Variants in HMCN2 observed in about 807,000 individuals in gnomAD.
The protein encoded by HMCN2 is hemicentin-2.
HMCN2 carries 325 observed loss-of-function variants against 377.5 expected under a neutral mutation model. That is an observed-to-expected ratio of 0.86 (90% confidence interval 0.79 to 0.94). The LOEUF (loss-of-function observed/expected upper bound fraction) is 0.94, where lower values mean the gene tolerates loss of function less well. Among genes scored for constraint, HMCN2 ranks in the 40% least tolerant of loss-of-function variants. HMCN2 has a pLI of 0.00. For synonymous variants in HMCN2, 2,007 were observed against 2,046.8 expected (o/e 0.98, Z 0.53); for missense variants, 4,543 against 4,725.3 (o/e 0.96, Z 1.13).
At position 130,393,729 on chromosome 9, in the gene HMCN2, C is replaced by G. The variant is rs1842450491; in HGVS notation, c.10235-13C>G. The stretch of plus-strand genomic sequence containing the variant: ...AATAAAATGGTTCCTGCCCACCTTT[C>G]TGCCCTCCATAGTGCCCCCTGTCCT... On this transcript the variant is annotated splice_polypyrimidine_tract_variant and intron_variant, in intron 67 of 97. Coordinates refer to ENST00000683500, the MANE Select transcript of HMCN2 (RefSeq NM_001291815.2). The surrounding 1 kb of genome is among the most constrained non-coding windows in gnomAD (Gnocchi z 5.2). 3.7e-5 allele frequency: 45 copies of G among 1,224,224 alleles called. No individual in the cohort carries two copies. The South Asian group carries it at 6.2e-4, about 17-fold the overall frequency. 75.8% of individuals were successfully genotyped at this position (1,224,224 alleles called of 1,614,324 possible).
At chr9:130,433,287 A>G in intron 97 of HMCN2, 61 bp from the exon 98 acceptor site, 1 of 1,305,364 alleles carries the variant, frequency 7.7e-7, no homozygotes. Context: ...AGTTACGCGG[A>G]TGGGCCACGC....
chr9:130,392,225 TC>T, intron 66 of HMCN2, 107 bp downstream of exon 66: 1 of 787,716 alleles, frequency 1.3e-6, no homozygotes, highest in Non-Finnish European at 1.5e-6. Context: ...CAACACCCAC[TC>T]CCCACCCCAC....
intron 77 of HMCN2, among the ~76,000 whole-genome samples, chr9:130,401,218 G>T (rs1251768300): frequency 6.6e-6 from 1 of 152,184 alleles, no homozygotes; most frequent in East Asian, 1.9e-4. Context: ...ATAGCTCCCT[G>T]GGAGTTTTTG....
chr9:130,315,244 TCC>T (rs1837498471), intron 15 of HMCN2, among the ~76,000 whole-genome samples: 1 of 762 alleles, frequency 1.3e-3, no homozygotes, highest in African/African-American at 3.4e-3. Flanking sequence ...CCCCTCCCCT[TCC>T]CCTCCCCTTC....
chr9:130,383,131 G>A (rs978994286), intron 56 of HMCN2, among the ~76,000 whole-genome samples: 3 of 152,146 alleles, frequency 2.0e-5, no homozygotes, highest in Non-Finnish European at 2.9e-5. Context: ...AGCCTTCCGC[G>A]GGATCACCAG....
rs746685960 is a variant in HMCN2 at position 130,398,713 on chromosome 9, G to A, written c.11483+6G>A. 37 of 1,288,768 alleles carry A rather than the reference G, an allele frequency of 2.9e-5. No homozygotes were observed. In the African/African-American group the frequency reaches 4.9e-4, roughly 17 times the overall value. The allele number at this position is 1,288,768 out of a possible 1,614,324, so 79.8% of individuals were successfully genotyped here. ...CTGCAGCAGGGCGCCTACCGGTAAC[G>A]AGCTGGACTTTGCGGTGGCTTCCTG... On this transcript the variant is annotated splice_donor_region_variant and intron_variant, in intron 75 of 97. Transcript: ENST00000683500.
intron 85 of HMCN2, among the ~76,000 whole-genome samples, chr9:130,413,468 G>T (rs1843526523): frequency 6.6e-6 from 1 of 152,116 alleles, no homozygotes. Context: ...CATGGAATAG[G>T]TTTGTGGTCC....
In HMCN2 at chr9:130,422,720, A is replaced by G; in HGVS notation, c.13375A>G (p.Asn4459Asp). Residue 4459 changes from asparagine (N) to aspartate (D), a missense_variant, in exon 87 of 98, where the codon AAC becomes GAC. Transcript: ENST00000683500. This position sits in a 1 kb window ranked among gnomAD's most constrained non-coding sequence, Gnocchi z 4.2. ...CAGCAGCATCCGCCATGTCCCAGCAAACGTGGGTGAGTGGAAGGCAGAGCA... is the reference window on the plus strand; with the variant it reads ...CAGCAGCATCCGCCATGTCCCAGCAGACGTGGGTGAGTGGAAGGCAGAGCA... ...IHSSIRHVPA[N>D]VGPLMRVLVV... 3 of 1,281,630 alleles carry G rather than the reference A, an allele frequency of 2.3e-6. No individual in the cohort carries two copies. Among genetic ancestry groups the G allele is most frequent in the Non-Finnish European group, 3.0e-6 (3 of 1,005,498 alleles). The allele number at this position is 1,281,630 out of a possible 1,614,324, so 79.4% of individuals were successfully genotyped here.
Position 130,265,821 on chromosome 9 carries a change from C to T in HMCN2, c.-58C>T. On this transcript the variant is annotated 5_prime_UTR_variant, in exon 1 of 98. Coordinates refer to ENST00000683500, the MANE Select transcript of HMCN2 (RefSeq NM_001291815.2). The stretch of plus-strand genomic sequence containing the variant: ...GCAGCCGCCGTGTGCACCGGGGCGG[C>T]CGGCTAGCTCCGACCTGCGCCTCCA... 3.5e-6 allele frequency: 1 copy of T among 287,796 alleles called. No individual in the cohort carries two copies. The highest frequency in any genetic ancestry group is 2.7e-5 in the South Asian group (1 of 36,676). 17.8% of individuals were successfully genotyped at this position (287,796 alleles called of 1,614,324 possible). A position where few individuals can be genotyped will look rare whatever the true frequency, so the allele number is the denominator to read the frequency against.
intron 46 of HMCN2, among the ~76,000 whole-genome samples, chr9:130,371,422 A>AAC (rs1554959046): frequency 1.3e-5 from 2 of 152,074 alleles, no homozygotes; most frequent in Non-Finnish European, 2.9e-5. Flanking sequence ...CAGAAAAAAA[A>AAC]AAAACAAACT....
intron 1 of HMCN2, among the ~76,000 whole-genome samples, chr9:130,272,209 GCTT>G (rs1161508843): frequency 1.2e-4 from 18 of 148,626 alleles, no homozygotes; most frequent in African/African-American, 3.9e-4. Flanking sequence ...ACCTTCTTCA[GCTT>G]CTTCTTCTTT....
chr9:130,354,527 C>T (rs180704605), intron 31 of HMCN2, among the ~76,000 whole-genome samples: 11 of 152,210 alleles, frequency 7.2e-5, no homozygotes, highest in East Asian at 3.9e-4. Flanking sequence ...GGGGTAGCAG[C>T]GGGGATGGAG....
rs567756525 is a variant in HMCN2, at chr9:130,286,277, G to A, written c.579G>A (p.Gln193=). Residue 193 remains glutamine (Q), a synonymous_variant, in exon 4 of 98, where the codon CAG becomes CAA. Transcript: ENST00000683500. The part of the protein sequence containing the change: ...YEEIAATSSG[Q]VFHLDKQQVT... ...AGATCGCTGCCACCAGCTCTGGGCA[G>A]GTGTTCCACCTGGACAAGCAGCAAG... The A allele has an allele frequency of 2.1e-6, 1 of 471,108 alleles. No individual in the cohort carries two copies. The highest frequency in any genetic ancestry group is 1.5e-5 in the South Asian group (1 of 64,566). The allele number at this position is 471,108 out of a possible 1,614,324, so 29.2% of individuals were successfully genotyped here. A position where few individuals can be genotyped will look rare whatever the true frequency, so the allele number is the denominator to read the frequency against.
chr9:130,286,847 G>A (rs577318718), intron 4 of HMCN2, among the ~76,000 whole-genome samples: 3 of 152,160 alleles, frequency 2.0e-5, no homozygotes, highest in African/African-American at 4.8e-5. Context: ...CCAGTGCTCC[G>A]CAGGCACCTG....
Position 130,422,850 on chromosome 9 carries a change from G to A in HMCN2, c.13381+124G>A, listed in dbSNP as rs763943507. ...CCCCGAGACTTGCTCAAGGCCTGAT[G>A]ACCAGAGCACGTCTGACCATCTCTC... On this transcript the variant is annotated intron_variant, in intron 87 of 97. Coordinates refer to ENST00000683500, the MANE Select transcript of HMCN2 (RefSeq NM_001291815.2). This position sits in a 1 kb window ranked among gnomAD's most constrained non-coding sequence, Gnocchi z 4.2. 2.6e-5 allele frequency: 20 copies of A among 777,150 alleles called. No individual in the cohort carries two copies. Among genetic ancestry groups the A allele is most frequent in the Non-Finnish European group, 3.5e-5 (20 of 570,510 alleles). 48.1% of individuals were successfully genotyped at this position (777,150 alleles called of 1,614,324 possible).
chr9:130,355,698 C>A, intron 32 of HMCN2, 48 bp from the exon 33 acceptor site: 1 of 1,135,344 alleles, frequency 8.8e-7, no homozygotes, highest in Non-Finnish European at 1.2e-6. Flanking sequence ...GGGTTTGAGG[C>A]CAGTGGCTGC....
intron 32 of HMCN2, among the ~76,000 whole-genome samples, 186 bp from the exon 33 acceptor site, chr9:130,355,560 G>A (rs979635203): frequency 2.0e-5 from 3 of 152,226 alleles, no homozygotes; most frequent in African/African-American, 7.2e-5. Context: ...AGCCTTTGGG[G>A]AGCCCGGGGT....
rs1211531210 is a variant in HMCN2 at position 130,382,298 on chromosome 9, G to C, written c.8545+1G>C. Reference sequence around the variant, plus strand: ...CTGCACTACGAGCTGCTGGTGCTGAGTGAGTGGCGGGGCCTGCAGGTGGGG... The same window carrying C: ...CTGCACTACGAGCTGCTGGTGCTGACTGAGTGGCGGGGCCTGCAGGTGGGG... On this transcript the variant is annotated splice_donor_variant, in intron 55 of 97. Coordinates refer to ENST00000683500, the MANE Select transcript of HMCN2 (RefSeq NM_001291815.2). LOFTEE classifies it high-confidence loss of function. The C allele has an allele frequency of 2.0e-6, 2 of 985,152 alleles. No individual in the cohort carries two copies. Among genetic ancestry groups the C allele is most frequent in the Non-Finnish European group, 2.4e-6 (2 of 829,380 alleles). The allele number at this position is 985,152 out of a possible 1,614,324, so 61.0% of individuals were successfully genotyped here. A position where few individuals can be genotyped will look rare whatever the true frequency, so the allele number is the denominator to read the frequency against.
At chr9:130,379,017 T>C (rs1289180808) in intron 53 of HMCN2, among the ~76,000 whole-genome samples, 3 of 152,160 alleles carry the variant, frequency 2.0e-5, no homozygotes, top group African/African-American at 7.2e-5. Flanking sequence ...TTAGCGTCCA[T>C]TAGACATGAG....
Sources: allele counts gnomAD v4.1 joint callset (sites outside exome capture counted in the v4.1 genomes callset), GRCh38; gene constraint gnomAD v4.1.1; non-coding constraint Gnocchi (gnomAD v3.1); transcripts MANE v1.5; gene names NCBI Gene and HGNC (gene_info 2026-07-23, HGNC 2026-07-21).